SACS: variants seen among roughly 807,000 people sequenced by gnomAD.
SACS encodes the protein sacsin molecular chaperone.
In SACS, 197 loss-of-function variants were observed where a neutral mutation model predicts 348.0. That is an observed-to-expected ratio of 0.57 (90% CI 0.50 to 0.64). SACS has a LOEUF of 0.64. Among genes scored for constraint, SACS ranks in the 30% least tolerant of loss-of-function variants. The pLI is 0.00. For synonymous variants in SACS, 1,985 were observed against 1,910.6 expected, an observed-to-expected ratio of 1.04 and a Z score of -1.02; for missense variants, 4,999 against 5,360.8, an observed-to-expected ratio of 0.93 and a Z score of 2.11.
At chr13:23,346,021 G>A (rs982408587) in intron 9 of SACS, among the ~76,000 whole-genome samples, 3 of 152,064 alleles carry the variant, frequency 2.0e-5, no homozygotes, top group Non-Finnish European at 2.9e-5. Flanking sequence ...CACCCAGGAC[G>A]GGGGTCCCTG....
chr13:23,335,749 T>G lies in SACS; in HGVS notation c.8127A>C (p.Lys2709Asn), dbSNP rs78827970. ...CTGGAACAGACGAAATTTCCGAAAC[T>G]TTTGCCATTTCTGCATTACGAAGAG... The part of the protein sequence containing the change: ...RFPLRNAEMA[K>N]VSEISSVPAS... The change falls in exon 10 of 10, where the codon AAA becomes AAC. Residue 2709 changes from lysine to asparagine, a missense_variant. Physicochemically the swap from Lys to Asn is moderately conservative, Grantham distance 94 (BLOSUM62 0). Around this residue, in one of 6 missense-constraint regions of SACS, gnomAD observed 3,156 missense variants for 3,380.1 expected, o/e 0.93. Coordinates refer to ENST00000382292, the MANE Select transcript of SACS (RefSeq NM_014363.6). The surrounding 1 kb of genome is among the most constrained non-coding windows in gnomAD (Gnocchi z 4.7). The G allele has an allele frequency of 1.2e-3, 1,936 of 1,614,028 alleles. 17 individuals are homozygous for G. In the African/African-American group the frequency reaches 0.023, roughly 19 times the overall value.
chr13:23,372,313 A>G (rs887508643), intron 3 of SACS, among the ~76,000 whole-genome samples: 2 of 152,358 alleles, frequency 1.3e-5, no homozygotes, highest in South Asian at 4.1e-4. Flanking sequence ...CCTCATGCAT[A>G]GAACAGTATC....
At position 23,358,083 on chromosome 13, in the gene SACS, C is replaced by G. The variant is rs143874802; in HGVS notation, c.604+252G>C. On this transcript the variant is annotated intron_variant, in intron 7 of 9. Coordinates refer to ENST00000382292, the MANE Select transcript of SACS (RefSeq NM_014363.6). ...ACATCAAATGGCTTAATATGTTACA[C>G]TGATTCCACTGGATCATGATGATGT... Among the ~76,000 whole-genome samples, 303 of 152,334 alleles carry G rather than the reference C, an allele frequency of 2.0e-3. 1 individual carries two copies. Among genetic ancestry groups the G allele is most frequent in the African/African-American group, 5.1e-3 (212 of 41,568 alleles).
At chr13:23,412,230 C>G (rs1028159948) in intron 1 of SACS, among the ~76,000 whole-genome samples, 3 of 151,900 alleles carry the variant, frequency 2.0e-5, no homozygotes, top group East Asian at 1.9e-4. Context: ...CTGCACTCCC[C>G]GCGCCTGGGC....
intron 2 of SACS, among the ~76,000 whole-genome samples, chr13:23,395,312 G>A (rs1288583986): frequency 6.6e-6 from 1 of 152,094 alleles, no homozygotes; most frequent in Non-Finnish European, 1.5e-5. Context: ...TCCACCACTA[G>A]GGCCACTAGG....
Position 23,334,210 on chromosome 13 carries a change from C to T in SACS, c.9666G>A (p.Leu3222=). Residue 3222 remains leucine, a synonymous_variant, in exon 10 of 10, where the codon TTG becomes TTA. Transcript: ENST00000382292. ...AACTTTTGGTCTTATATTCTCGAGG[C>T]AACACAGAGGATAACAAATCAGCAA... ...SSFADLLSSV[L]PREYKTKSCT... is the part of the protein sequence containing the mutation. 6.2e-7 allele frequency: 1 copy of T among 1,613,758 alleles called. No individual in the cohort carries two copies. Among genetic ancestry groups the T allele is most frequent in the Non-Finnish European group, 8.5e-7 (1 of 1,179,808 alleles).
At chr13:23,416,974 A>C (rs914804505) in intron 1 of SACS, among the ~76,000 whole-genome samples, 2 of 152,200 alleles carry the variant, frequency 1.3e-5, no homozygotes, top group Non-Finnish European at 1.5e-5. Context: ...ATTCAAAAAA[A>C]TTCATACAAA....
intron 2 of SACS, among the ~76,000 whole-genome samples, chr13:23,379,189 T>G (rs1871940042): frequency 6.6e-6 from 1 of 152,172 alleles, no homozygotes; most frequent in South Asian, 2.1e-4. Flanking sequence ...TAAACTCTCT[T>G]TCTCACCTGT....
At chr13:23,362,273 C>T (rs1055871320) in intron 6 of SACS, among the ~76,000 whole-genome samples, 1 of 152,122 alleles carries the variant, frequency 6.6e-6, no homozygotes, top group Non-Finnish European at 1.5e-5. Context: ...TCAGCTGTAT[C>T]CTTGAAATCC....
At position 23,330,230 on chromosome 13, in the gene SACS, T is replaced by C. The variant is rs920639768; in HGVS notation, c.13646A>G (p.Asn4549Ser). The C allele has an allele frequency of 2.5e-6, 4 of 1,614,014 alleles. No individual in the cohort carries two copies. In the Admixed American group the frequency reaches 5.0e-5, roughly 20 times the overall value. ...PDLLPFPQIP[N>S]DRFTSEVAMR... is the part of the protein sequence containing the mutation. Reference sequence around the variant, plus strand: ...AGCAACCTCAGAAGTGAACCTGTCATTTGGGATCTGAGGAAAGGGAAGCAA... The same window carrying C: ...AGCAACCTCAGAAGTGAACCTGTCACTTGGGATCTGAGGAAAGGGAAGCAA... The change falls in exon 10 of 10, where the codon AAT becomes AGT. Residue 4549 changes from asparagine (N) to serine (S), a missense_variant. Coordinates refer to ENST00000382292, the MANE Select transcript of SACS (RefSeq NM_014363.6).
intron 7 of SACS, 129 bp from the exon 8 acceptor site, chr13:23,356,136 T>A (rs894713018): frequency 2.7e-6 from 2 of 741,332 alleles, no homozygotes; most frequent in Non-Finnish European, 4.4e-6. Context: ...AACACAAACT[T>A]AATTTACCTT....
Position 23,337,056 on chromosome 13 carries a change from C to T in SACS, c.6820G>A (p.Val2274Met). The change falls in exon 10 of 10, where the codon GTG (valine) becomes ATG (methionine). Residue 2274 changes from valine (V) to methionine (M), a missense_variant. Transcript: ENST00000382292. ...NSHSFRGCGS[V>M]SLAVKEFLGL... ...AAAAACTCTTTAACAGCCAATGACA[C>T]TGAACCACAACCTCTAAAAGAATGG... The T allele has an allele frequency of 1.2e-6, 2 of 1,613,970 alleles. No individual in the cohort carries two copies. The highest frequency in any genetic ancestry group is 1.7e-6 in the Non-Finnish European group (2 of 1,179,906).
At position 23,340,070 on chromosome 13, in the gene SACS, G is replaced by T; in HGVS notation, c.3806C>A (p.Ser1269Tyr). 1 of 1,614,010 alleles carries T rather than the reference G, an allele frequency of 6.2e-7. No homozygotes were observed. The highest frequency in any genetic ancestry group is 8.5e-7 in the Non-Finnish European group (1 of 1,179,986). ...MHDHLNEGKDSFRALKFPWVW... is the reference protein window; with the variant it reads ...MHDHLNEGKDYFRALKFPWVW... The stretch of plus-strand genomic sequence containing the variant: ...CCATGGAAATTTTAAGGCTCTAAAA[G>T]AATCTTTCCCTTCATTTAGATGATC... Residue 1269 changes from serine to tyrosine, a missense_variant, in exon 10 of 10, where the codon TCT (serine) becomes TAT (tyrosine). By Grantham distance (144) the Ser-to-Tyr change is moderately radical. Around this residue, in one of 6 missense-constraint regions of SACS, gnomAD observed 3,156 missense variants for 3,380.1 expected, o/e 0.93. Transcript: ENST00000382292.
chr13:23,420,475 C>T (rs1357883081), intron 1 of SACS, among the ~76,000 whole-genome samples: 1 of 151,626 alleles, frequency 6.6e-6, no homozygotes, highest in Non-Finnish European at 1.5e-5. Context: ...CACCTGTGGC[C>T]CAATGTAAAT....
chr13:23,365,189 G>C lies in SACS; in HGVS notation c.434C>G (p.Ser145Ter), dbSNP rs994374354. ...ACCCTGATATGGCGCCATATCTTTT[G>C]ACCAAAGAGTCTCTGTTCCGTATTG... is the stretch of plus-strand genomic sequence containing the variant. ...ETQYGTETLW[S>*]KDMAPYQGPA... is the part of the protein sequence containing the mutation. The change falls in exon 6 of 10, where the codon TCA becomes TGA. Residue 145 changes from serine to a stop codon, truncating the protein, a stop_gained. Transcript: ENST00000382292. LOFTEE classifies it high-confidence loss of function. 1.9e-6 allele frequency: 3 copies of C among 1,611,484 alleles called. No individual in the cohort carries two copies. The highest frequency in any genetic ancestry group is 2.5e-6 in the Non-Finnish European group (3 of 1,178,762).
chr13:23,425,443 C>T (rs1874130742), intron 1 of SACS, among the ~76,000 whole-genome samples: 1 of 152,084 alleles, frequency 6.6e-6, no homozygotes, highest in African/African-American at 2.4e-5. Context: ...TAGGGCCTGG[C>T]ATCAACCTGG....
chr13:23,341,477 A>G lies in SACS; in HGVS notation c.2399T>C (p.Met800Thr). Residue 800 changes from methionine to threonine, a missense_variant, in exon 10 of 10, where the codon ATG (methionine) becomes ACG (threonine). By Grantham distance (81) the Met-to-Thr change is moderately conservative. Coordinates refer to ENST00000382292, the MANE Select transcript of SACS (RefSeq NM_014363.6). ...FSEDLTLFDE[M>T]PLIPRTILEE... ...TAGTATAGTTCTGGGGATAAGTGGCATCTCATCAAATAAAGTCAAATCCTC... is the reference window on the plus strand; with the variant it reads ...TAGTATAGTTCTGGGGATAAGTGGCGTCTCATCAAATAAAGTCAAATCCTC... 3.1e-6 allele frequency: 5 copies of G among 1,614,012 alleles called. No individual in the cohort carries two copies. The highest frequency in any genetic ancestry group is 4.2e-6 in the Non-Finnish European group (5 of 1,179,956).
intron 9 of SACS, among the ~76,000 whole-genome samples, chr13:23,344,406 A>G (rs560917620): frequency 1.1e-4 from 16 of 150,426 alleles, no homozygotes; most frequent in Non-Finnish European, 2.1e-4. Flanking sequence ...CACACACACT[A>G]CATATAGCAT....
chr13:23,415,975 C>G (rs931413047), intron 1 of SACS, among the ~76,000 whole-genome samples: 1 of 152,058 alleles, frequency 6.6e-6, no homozygotes, highest in Non-Finnish European at 1.5e-5. Context: ...AGTTAAGTAT[C>G]CATTTTAAGA....
Sources: gnomAD v4.1 joint callset for allele counts (sites outside exome capture counted in the v4.1 genomes callset) on GRCh38, gnomAD v4.1.1 for gene constraint, gnomAD v4.1.1 regional missense constraint, Gnocchi (gnomAD v3.1) non-coding constraint, MANE v1.5 for transcripts, NCBI Gene and HGNC (gene_info 2026-07-23, HGNC 2026-07-21) for gene names.